PSMG3: variants seen among roughly 807,000 people sequenced by gnomAD.
PSMG3 encodes the protein PAC-3.
PSMG3 carries 4 observed loss-of-function variants against 7.9 expected under a neutral mutation model. The ratio of observed to expected loss-of-function variants is 0.51; its 90% CI spans 0.25 to 1.16. PSMG3 has a LOEUF of 1.16. Among genes scored for constraint, PSMG3 ranks in the 50% most tolerant of loss-of-function variants. The pLI, the probability that PSMG3 is intolerant of heterozygous loss-of-function variation, is 0.15. For synonymous variants in PSMG3, 81 were observed against 69.8 expected (o/e 1.16, Z -0.80); for missense variants, 151 against 157.4 (o/e 0.96, Z 0.22).
At chr7:1,569,092 G>C (rs187593750) in intron 1 of PSMG3, 32 bp downstream of exon 1, 1 of 1,594,874 alleles carries the variant, frequency 6.3e-7, no homozygotes, top group Non-Finnish European at 8.6e-7. Flanking sequence ...GGTTACAGGC[G>C]TGAGCCACAG....
At position 1,569,943 on chromosome 7, in the gene PSMG3, T is replaced by C. The variant is rs969601179; in HGVS notation, c.-604A>G. ...GGCCCGGGACCCCCACGACACGCGG[T>C]GCCGAGGCCGGCCGGGCTACTGGGG... On this transcript the variant is annotated 5_prime_UTR_variant, in exon 1 of 2. Coordinates refer to ENST00000288607, the MANE Select transcript of PSMG3 (RefSeq NM_032302.4). 6 of 151,650 alleles carry C rather than the reference T, an allele frequency of 4.0e-5. No individual in the cohort carries two copies. Among genetic ancestry groups the C allele is most frequent in the African/African-American group, 1.4e-4 (6 of 41,404 alleles). The allele number at this position is 151,650 out of a possible 1,614,324, so 9.4% of individuals were successfully genotyped here. A position where few individuals can be genotyped will look rare whatever the true frequency, so the allele number is the denominator to read the frequency against.
chr7:1,568,804 C>T (rs1470275040), intron 1 of PSMG3, among the ~76,000 whole-genome samples: 1 of 152,174 alleles, frequency 6.6e-6, no homozygotes. Flanking sequence ...TGTGCCACCA[C>T]ACCCAGCTAA....
At position 1,569,118 on chromosome 7, in the gene PSMG3, C is replaced by T; in HGVS notation, c.216+6G>A. 1 of 1,612,842 alleles carries T rather than the reference C, an allele frequency of 6.2e-7. No individual in the cohort carries two copies. Among genetic ancestry groups the T allele is most frequent in the Non-Finnish European group, 8.5e-7 (1 of 1,179,698 alleles). On this transcript the variant is annotated splice_donor_region_variant and intron_variant, in intron 1 of 1. Transcript: ENST00000288607. ...TGAGCCACAGTTCCCGGCCAATCCACTTTACCTCATCCTGCCCCAGAAGGA... is the reference window on the plus strand; with the variant it reads ...TGAGCCACAGTTCCCGGCCAATCCATTTTACCTCATCCTGCCCCAGAAGGA...
In PSMG3 at chr7:1,567,735, G is replaced by A. The variant is rs372483327; in HGVS notation, c.332C>T (p.Ala111Val). ...VKDKSMEGLK[A>V]LREVIRVCQV... ...GCACACCCGGATCACCTCCCTCAGC[G>A]CCTTCAGCCCCTCCATGCTTTTGTC... The change falls in exon 2 of 2, where the codon GCG becomes GTG. Residue 111 changes from alanine (A) to valine (V), a missense_variant. By Grantham distance (64) the Ala-to-Val change is moderately conservative. Transcript: ENST00000288607. 1.3e-4 allele frequency: 217 copies of A among 1,613,946 alleles called. No homozygotes were observed. The highest frequency in any genetic ancestry group is 1.7e-4 in the Non-Finnish European group (202 of 1,180,004).
rs554005762 is a variant in PSMG3, at chr7:1,569,398, G to A, written c.-59C>T. Reference sequence around the variant, plus strand: ...TTAAAAAGAAAGGGGAAAAAAAGGAGTCAATCAAACAGTACAGCCTTGGGG... The same window carrying A: ...TTAAAAAGAAAGGGGAAAAAAAGGAATCAATCAAACAGTACAGCCTTGGGG... On this transcript the variant is annotated 5_prime_UTR_variant, in exon 1 of 2. Transcript: ENST00000288607. 252 of 1,416,762 alleles carry A rather than the reference G, an allele frequency of 1.8e-4. No homozygotes were observed. The highest frequency in any genetic ancestry group is 2.7e-4 in the Admixed American group (13 of 47,922). 87.8% of individuals were successfully genotyped at this position (1,416,762 alleles called of 1,614,324 possible).
Position 1,567,500 on chromosome 7 carries a change from C to T in PSMG3, c.*198G>A. 3 of 507,820 alleles carry T rather than the reference C, an allele frequency of 5.9e-6. No individual in the cohort carries two copies. Among genetic ancestry groups the T allele is most frequent in the Non-Finnish European group, 1.0e-5 (3 of 292,672 alleles). The allele number at this position is 507,820 out of a possible 1,614,324, so 31.5% of individuals were successfully genotyped here. On this transcript the variant is annotated 3_prime_UTR_variant, in exon 2 of 2. Coordinates refer to ENST00000288607, the MANE Select transcript of PSMG3 (RefSeq NM_032302.4). ...ATTCACGACTCCTCCGGGACCTGTT[C>T]CACCCTCCCCGTCATGCACAGATGA...
At chr7:1,567,914 T>C in intron 1 of PSMG3, 64 bp from the exon 2 acceptor site, 1 of 1,538,408 alleles carries the variant, frequency 6.5e-7, no homozygotes, top group Admixed American at 1.9e-5. Flanking sequence ...CTCAATGCTT[T>C]CATGAAGTAT....
At chr7:1,569,102 G>C (rs1195080304) in intron 1 of PSMG3, 22 bp downstream of exon 1, 1 of 1,608,730 alleles carries the variant, frequency 6.2e-7, no homozygotes, top group Non-Finnish European at 8.5e-7. Flanking sequence ...GTGAGCCACA[G>C]TTCCCGGCCA....
Position 1,569,309 on chromosome 7 carries a change from G to T in PSMG3, c.31C>A (p.Gln11Lys), listed in dbSNP as rs1809644561. 6.2e-7 allele frequency: 1 copy of T among 1,610,984 alleles called. No homozygotes were observed. The highest frequency in any genetic ancestry group is 8.5e-7 in the Non-Finnish European group (1 of 1,179,028). MEDTPLVISKQKTEVVCGVPT... is the reference protein window; with the variant it reads MEDTPLVISKKKTEVVCGVPT... ...ACCCCGCACACCACCTCCGTCTTCT[G>T]CTTCGATATCACCAACGGCGTGTCT... Residue 11 changes from glutamine (Q) to lysine (K), a missense_variant, in exon 1 of 2, where the codon CAG becomes AAG. Gln to Lys is a moderately conservative substitution (Grantham distance 53, BLOSUM62 1). Transcript: ENST00000288607.
At position 1,567,505 on chromosome 7, in the gene PSMG3, C is replaced by T; in HGVS notation, c.*193G>A. ...CGACTCCTCCGGGACCTGTTCCACC[C>T]TCCCCGTCATGCACAGATGATCTTA... On this transcript the variant is annotated 3_prime_UTR_variant, in exon 2 of 2. Coordinates refer to ENST00000288607, the MANE Select transcript of PSMG3 (RefSeq NM_032302.4). 1.9e-6 allele frequency: 1 copy of T among 517,396 alleles called. No homozygotes were observed. Among genetic ancestry groups the T allele is most frequent in the Non-Finnish European group, 3.3e-6 (1 of 298,882 alleles). The allele number at this position is 517,396 out of a possible 1,614,324, so 32.1% of individuals were successfully genotyped here. A position where few individuals can be genotyped will look rare whatever the true frequency, so the allele number is the denominator to read the frequency against.
In PSMG3 at chr7:1,567,789, C is replaced by T; in HGVS notation, c.278G>A (p.Arg93Lys). The change falls in exon 2 of 2, where the codon AGA (arginine) becomes AAA (lysine). Residue 93 changes from arginine to lysine, a missense_variant. Coordinates refer to ENST00000288607, the MANE Select transcript of PSMG3 (RefSeq NM_032302.4). ...VAFVSQEAGN[R>K]AVLLAVAVKD... ...CACGGCCACGGCGAGGAGGACTGCT[C>T]TGTTTCCAGCTTCTTGAGACACAAA... 6.2e-7 allele frequency: 1 copy of T among 1,614,178 alleles called. No individual in the cohort carries two copies. The highest frequency in any genetic ancestry group is 8.5e-7 in the Non-Finnish European group (1 of 1,180,016).
chr7:1,569,800 C>T lies in PSMG3; in HGVS notation c.-461G>A. 1 of 154,864 alleles carries T rather than the reference C, an allele frequency of 6.5e-6. No individual in the cohort carries two copies. Among genetic ancestry groups the T allele is most frequent in the Non-Finnish European group, 1.4e-5 (1 of 69,522 alleles). The allele number at this position is 154,864 out of a possible 1,614,324, so 9.6% of individuals were successfully genotyped here. On this transcript the variant is annotated 5_prime_UTR_variant, in exon 1 of 2. An upstream start codon of the reference 5' UTR is lost. Transcript: ENST00000288607. Reference sequence around the variant, plus strand: ...AAACAGAAGCAGGAGCGGGGCCGCCCATAGAGACCGCGCCTGGGGCTTTCT... The same window carrying T: ...AAACAGAAGCAGGAGCGGGGCCGCCTATAGAGACCGCGCCTGGGGCTTTCT...
chr7:1,569,476 C>G lies in PSMG3; in HGVS notation c.-137G>C, dbSNP rs1421584659. The G allele has an allele frequency of 1.4e-6, 1 of 722,862 alleles. No individual in the cohort carries two copies. Among genetic ancestry groups the G allele is most frequent in the African/African-American group, 1.8e-5 (1 of 56,088 alleles). 44.8% of individuals were successfully genotyped at this position (722,862 alleles called of 1,614,324 possible). On this transcript the variant is annotated 5_prime_UTR_variant, in exon 1 of 2. Coordinates refer to ENST00000288607, the MANE Select transcript of PSMG3 (RefSeq NM_032302.4). ...AAACGGAAACGCAAGGAGGCCCATT[C>G]AAAAGAAGGGGCCAGGCGCGGTGGC...
At chr7:1,568,453 TTTATTATTA>T (rs56016686) in intron 1 of PSMG3, among the ~76,000 whole-genome samples, 68 of 147,964 alleles carry the variant, frequency 4.6e-4, no homozygotes, top group South Asian at 3.6e-3. Context: ...TCCTGACCAC[TTTATTATTA>T]TTATTATTAT....
rs1002260836 is a variant in PSMG3 at position 1,567,772 on chromosome 7, C to T, written c.295G>A (p.Val99Met). The T allele has an allele frequency of 1.3e-5, 21 of 1,614,042 alleles. No individual in the cohort carries two copies. The highest frequency in any genetic ancestry group is 2.7e-5 in the African/African-American group (2 of 74,914). ...EAGNRAVLLAVAVKDKSMEGL... is the reference protein window; with the variant it reads ...EAGNRAVLLAMAVKDKSMEGL... ...TCCATGCTTTTGTCCTTCACGGCCA[C>T]GGCGAGGAGGACTGCTCTGTTTCCA... Residue 99 changes from valine to methionine, a missense_variant, in exon 2 of 2, where the codon GTG (valine) becomes ATG (methionine). Val to Met is a conservative substitution (Grantham distance 21, BLOSUM62 1). Transcript: ENST00000288607.
Position 1,569,605 on chromosome 7 carries a change from C to CAAA in PSMG3, c.-269_-267dup, listed in dbSNP as rs60165118. 71 of 102,114 alleles carry CAAA rather than the reference C, an allele frequency of 7.0e-4. 1 individual carries two copies. Among genetic ancestry groups the CAAA allele is most frequent in the African/African-American group, 1.2e-3 (33 of 26,994 alleles). The allele number at this position is 102,114 out of a possible 1,614,324, so 6.3% of individuals were successfully genotyped here. On this transcript the variant is annotated 5_prime_UTR_variant, in exon 1 of 2. Transcript: ENST00000288607. The stretch of plus-strand genomic sequence containing the variant: ...AACATAGCGAGACCCCCATCTCTAC[C>CAAA]AAAAAAAAAAAAAAAAAAAACCAGC...
At chr7:1,568,045 C>A (rs1248889858) in intron 1 of PSMG3, among the ~76,000 whole-genome samples, 195 bp from the exon 2 acceptor site, 1 of 152,076 alleles carries the variant, frequency 6.6e-6, no homozygotes, top group Non-Finnish European at 1.5e-5. Flanking sequence ...CTGCTAAAGA[C>A]CATCACTCCA....
chr7:1,568,620 T>C (rs1407898535), intron 1 of PSMG3, among the ~76,000 whole-genome samples: 1 of 151,402 alleles, frequency 6.6e-6, no homozygotes, highest in Non-Finnish European at 1.5e-5. Flanking sequence ...CACACACCAC[T>C]AGGCCCAGCT....
At chr7:1,568,750 C>T (rs553690101) in intron 1 of PSMG3, among the ~76,000 whole-genome samples, 7 of 152,098 alleles carry the variant, frequency 4.6e-5, no homozygotes, top group Non-Finnish European at 1.0e-4. Context: ...CGGGTTCAAG[C>T]GATTCTTCTG....
Sources: gnomAD v4.1 joint callset for allele counts (sites outside exome capture counted in the v4.1 genomes callset) on GRCh38, gnomAD v4.1.1 for gene constraint, MANE v1.5 for transcripts, NCBI Gene and HGNC (gene_info 2026-07-23, HGNC 2026-07-21) for gene names.